The following TNFSF4 variants were observed in gnomAD, a reference collection of about 807,000 sequenced individuals.
TNFSF4 encodes the protein TNF superfamily member 4.
Under a neutral mutation model 7.3 loss-of-function variants are expected in TNFSF4, and 4 were observed. The ratio of observed to expected loss-of-function variants is 0.55; its 90% CI spans 0.27 to 1.25. The LOEUF (loss-of-function observed/expected upper bound fraction) is 1.25. Ranked by LOEUF, TNFSF4 falls within the 50% of genes most tolerant of loss-of-function variation. The pLI, the probability that TNFSF4 is intolerant of heterozygous loss-of-function variation, is 0.12. For synonymous variants in TNFSF4, 76 were observed against 83.7 expected (o/e 0.91, Z 0.50); for missense variants, 181 against 208.8 (o/e 0.87, Z 0.82).
At chr1:173,366,185 T>C in the TNFSF4 span, among the ~76,000 whole-genome samples, 127 of 152,312 alleles carry the variant, frequency 8.3e-4, no homozygotes, top group Non-Finnish European at 1.3e-3. Flanking sequence ...CCCATGTTTG[T>C]TGCAGCACCA....
chr1:173,292,631 C>A, the TNFSF4 span, among the ~76,000 whole-genome samples: 1 of 151,518 alleles, frequency 6.6e-6, no homozygotes, highest in African/African-American at 2.4e-5. Flanking sequence ...TACTGGAAGT[C>A]CTGGAAGCCA....
upstream of TNFSF4, among the ~76,000 whole-genome samples, chr1:173,209,237 C>T (rs771783530): frequency 6.6e-6 from 1 of 152,088 alleles, no homozygotes; most frequent in Non-Finnish European, 1.5e-5. Flanking sequence ...TCTTCACATT[C>T]TTTGTGGGAA....
At chr1:173,281,842 C>T in the TNFSF4 span, among the ~76,000 whole-genome samples, 5 of 152,158 alleles carry the variant, frequency 3.3e-5, no homozygotes, top group Non-Finnish European at 7.3e-5. Flanking sequence ...GACATATTAA[C>T]ATTATCTATT....
chr1:173,242,213 T>C, the TNFSF4 span, among the ~76,000 whole-genome samples: 8 of 152,018 alleles, frequency 5.3e-5, no homozygotes, highest in South Asian at 1.7e-3. Context: ...AAAGTTAGAG[T>C]GGCCAAAATA....
the TNFSF4 span, among the ~76,000 whole-genome samples, chr1:173,369,549 A>C: frequency 2.6e-5 from 4 of 151,760 alleles, no homozygotes; most frequent in East Asian, 3.9e-4. Context: ...GGTGGGAGGA[A>C]AAAAAACAGA....
chr1:173,416,440 A>G, the TNFSF4 span, among the ~76,000 whole-genome samples: 1 of 151,990 alleles, frequency 6.6e-6, no homozygotes, highest in South Asian at 2.1e-4. Context: ...GGCAGAGGAG[A>G]GGGAAGGGGA....
At chr1:173,301,056 A>G in the TNFSF4 span, among the ~76,000 whole-genome samples, 1 of 151,936 alleles carries the variant, frequency 6.6e-6, no homozygotes, top group African/African-American at 2.4e-5. Flanking sequence ...GATTCATTTA[A>G]TTTCTTTATG....
downstream of TNFSF4, among the ~76,000 whole-genome samples, chr1:173,182,870 G>A (rs1649080093): frequency 6.6e-6 from 1 of 152,204 alleles, no homozygotes; most frequent in South Asian, 2.1e-4. Context: ...CATTGTGTGG[G>A]TGAGGAGAAC....
the TNFSF4 span, among the ~76,000 whole-genome samples, chr1:173,329,555 A>T: frequency 6.6e-6 from 1 of 152,190 alleles, no homozygotes; most frequent in Non-Finnish European, 1.5e-5. Context: ...AAAGAAAAGC[A>T]ATGCAAAATT....
the TNFSF4 span, among the ~76,000 whole-genome samples, chr1:173,217,127 T>C: frequency 2.0e-5 from 3 of 152,300 alleles, no homozygotes; most frequent in South Asian, 6.2e-4. Flanking sequence ...GCACAGACCA[T>C]AGTCTGCCCT....
chr1:173,256,959 G>A, the TNFSF4 span, among the ~76,000 whole-genome samples: 1 of 152,250 alleles, frequency 6.6e-6, no homozygotes, highest in African/African-American at 2.4e-5. Flanking sequence ...TCAAATTGAA[G>A]ATTTGGGTGG....
chr1:173,332,273 G>A, the TNFSF4 span, among the ~76,000 whole-genome samples: 641 of 152,280 alleles, frequency 4.2e-3, 6 homozygotes, highest in African/African-American at 0.014. Flanking sequence ...CCCACAGCCC[G>A]AGGAGTGAGT....
At chr1:173,327,505 G>A in the TNFSF4 span, among the ~76,000 whole-genome samples, 2 of 151,224 alleles carry the variant, frequency 1.3e-5, no homozygotes, top group Non-Finnish European at 3.0e-5. Context: ...TGACAAATGG[G>A]ATCTAATTAA....
the TNFSF4 span, among the ~76,000 whole-genome samples, chr1:173,257,179 T>C: frequency 6.6e-6 from 1 of 152,240 alleles, no homozygotes; most frequent in Non-Finnish European, 1.5e-5. Context: ...GTCTAACTGC[T>C]TTAAACAACA....
chr1:173,234,669 T>C, the TNFSF4 span, among the ~76,000 whole-genome samples: 1 of 152,136 alleles, frequency 6.6e-6, no homozygotes, highest in South Asian at 2.1e-4. Context: ...CTGGAAACCA[T>C]CATTCTCAGG....
chr1:173,314,459 C>T, the TNFSF4 span, among the ~76,000 whole-genome samples: 1 of 152,204 alleles, frequency 6.6e-6, no homozygotes, highest in African/African-American at 2.4e-5. Context: ...ACTATTCTAT[C>T]AGACTTCAGT....
At chr1:173,352,482 C>T in the TNFSF4 span, among the ~76,000 whole-genome samples, 8 of 152,088 alleles carry the variant, frequency 5.3e-5, no homozygotes, top group East Asian at 1.9e-4. Flanking sequence ...CATCACATGT[C>T]GGCAGGTTCC....
At chr1:173,377,069 C>A in the TNFSF4 span, among the ~76,000 whole-genome samples, 5 of 152,196 alleles carry the variant, frequency 3.3e-5, no homozygotes, top group Admixed American at 6.5e-5. Flanking sequence ...AAACTCCAGA[C>A]ACACCATCTT....
At chr1:173,313,737 G>C in the TNFSF4 span, among the ~76,000 whole-genome samples, 2 of 152,058 alleles carry the variant, frequency 1.3e-5, no homozygotes, top group Admixed American at 1.3e-4. Flanking sequence ...CATGGAAAGT[G>C]TATCTTCTCT....
Sources: allele counts gnomAD v4.1 joint callset (sites outside exome capture counted in the v4.1 genomes callset), GRCh38; gene constraint gnomAD v4.1.1; transcripts MANE v1.5; gene names NCBI Gene and HGNC (gene_info 2026-07-23, HGNC 2026-07-21).